The following INPP5A variants were observed in gnomAD, a reference collection of about 807,000 sequenced individuals.
INPP5A encodes 43 kDa inositol polyphosphate 5-phophatase.
Under a neutral mutation model 65.2 loss-of-function variants are expected in INPP5A, and 14 were observed. The observed-to-expected ratio is 0.21, with a 90% CI of 0.14 to 0.34. INPP5A has a LOEUF of 0.34. Among genes scored for constraint, INPP5A ranks in the 10% least tolerant of loss-of-function variants. The pLI is 1.00. For missense variants in INPP5A, 431 were observed against 545.6 expected (o/e 0.79, Z 2.09); for synonymous variants, 207 against 208.3 (o/e 0.99, Z 0.05).
In INPP5A at chr10:132,704,919, G is replaced by A. The variant is rs1845509863; in HGVS notation, c.475-3394G>A. On this transcript the variant is annotated intron_variant, in intron 6 of 15. Transcript: ENST00000368594. This position sits in a 1 kb window ranked among gnomAD's most constrained non-coding sequence, Gnocchi z 4.5. ...AGGATGGAGGAAGGGCGTCTGGACA[G>A]GCGGCAGGCAGCTCCTCTGGAGTGT... Among the ~76,000 whole-genome samples, 1 of 146,828 alleles carries A rather than the reference G, an allele frequency of 6.8e-6. No individual in the cohort carries two copies. The highest frequency in any genetic ancestry group is 2.5e-5 in the African/African-American group (1 of 40,122).
rs1041599061 is a variant in INPP5A, at chr10:132,616,386, G to A, written c.117+8430G>A. Among the ~76,000 whole-genome samples, 1 of 151,946 alleles carries A rather than the reference G, an allele frequency of 6.6e-6. No homozygotes were observed. The highest frequency in any genetic ancestry group is 6.5e-5 in the Admixed American group (1 of 15,274). ...CGTGCGGGGACGCCGTGGGCGTGGT[G>A]TGAGGTATGTGGCGTGCGGGGACGC... On this transcript the variant is annotated intron_variant, in intron 2 of 15. Coordinates refer to ENST00000368594, the MANE Select transcript of INPP5A (RefSeq NM_005539.5). This position sits in a 1 kb window ranked among gnomAD's most constrained non-coding sequence, Gnocchi z 4.9.
At chr10:132,723,830 G>A (rs573812995) in intron 8 of INPP5A, among the ~76,000 whole-genome samples, 32 of 151,912 alleles carry the variant, frequency 2.1e-4, no homozygotes, top group Non-Finnish European at 2.1e-4. Flanking sequence ...CTGGGGTCTC[G>A]GAGCACAGGG....
chr10:132,724,992 C>T (rs1317544241), intron 8 of INPP5A, among the ~76,000 whole-genome samples: 12 of 146,068 alleles, frequency 8.2e-5, no homozygotes, highest in Middle Eastern at 4.0e-3. Flanking sequence ...TCACCACAGA[C>T]GGGGGTCACT....
Position 132,663,719 on chromosome 10 carries a change from A to C in INPP5A, c.306+13214A>C, listed in dbSNP as rs1448592602. Reference sequence around the variant, plus strand: ...GCAGCCGTCTGCATGACTTTGGGTCATTGCGCTTTCCTTGCCTTTTGGGGA... The same window carrying C: ...GCAGCCGTCTGCATGACTTTGGGTCCTTGCGCTTTCCTTGCCTTTTGGGGA... On this transcript the variant is annotated intron_variant, in intron 4 of 15. Coordinates refer to ENST00000368594, the MANE Select transcript of INPP5A (RefSeq NM_005539.5). This position sits in a 1 kb window ranked among gnomAD's most constrained non-coding sequence, Gnocchi z 4.5. 2.6e-5 allele frequency among the ~76,000 whole-genome samples: 4 copies of C among 152,162 alleles called. No homozygotes were observed. The highest frequency in any genetic ancestry group is 2.9e-5 in the Non-Finnish European group (2 of 68,036).
At chr10:132,595,766 C>T (rs2071678201) in intron 1 of INPP5A, among the ~76,000 whole-genome samples, 1 of 152,168 alleles carries the variant, frequency 6.6e-6, no homozygotes, top group African/African-American at 2.4e-5. Flanking sequence ...CTGCAGTATT[C>T]TAATTGTAAT....
At chr10:132,568,189 C>CA (rs56217302) in intron 1 of INPP5A, among the ~76,000 whole-genome samples, 2,025 of 59,558 alleles carry the variant, frequency 0.034, 28 homozygotes, top group African/African-American at 0.053. Context: ...GACTCCGTCT[C>CA]AAAAAAAAAA....
At chr10:132,701,320 G>A (rs980719960) in intron 6 of INPP5A, among the ~76,000 whole-genome samples, 53 of 152,360 alleles carry the variant, frequency 3.5e-4, no homozygotes, top group African/African-American at 1.2e-3. Flanking sequence ...AGCCAACACA[G>A]GCCAGGGGGC....
intron 1 of INPP5A, among the ~76,000 whole-genome samples, chr10:132,577,457 C>T (rs2071424352): frequency 6.6e-6 from 1 of 152,212 alleles, no homozygotes; most frequent in Non-Finnish European, 1.5e-5. Context: ...CTGCGCATGC[C>T]CGGCCCCGGG....
Position 132,595,743 on chromosome 10 carries a change from C to G in INPP5A, c.76-12172C>G, listed in dbSNP as rs147084687. Among the ~76,000 whole-genome samples the G allele has an allele frequency of 1.9e-3, 291 of 152,260 alleles. 1 individual carries two copies. Among genetic ancestry groups the G allele is most frequent in the African/African-American group, 6.4e-3 (265 of 41,546 alleles). ...GTAACTTTCTTTATTGAGGTGCCTT[C>G]TGTAATATTTTTCTGCAGTATTCTA... On this transcript the variant is annotated intron_variant, in intron 1 of 15. Coordinates refer to ENST00000368594, the MANE Select transcript of INPP5A (RefSeq NM_005539.5).
At chr10:132,715,145 C>T (rs887551758) in intron 8 of INPP5A, among the ~76,000 whole-genome samples, 11 of 152,360 alleles carry the variant, frequency 7.2e-5, no homozygotes, top group East Asian at 1.9e-4. Context: ...CAGAGGTGCA[C>T]GTCAGCCTTC....
intron 8 of INPP5A, among the ~76,000 whole-genome samples, chr10:132,718,227 C>T (rs1845780909): frequency 6.9e-6 from 1 of 143,992 alleles, no homozygotes; most frequent in African/African-American, 2.6e-5. Flanking sequence ...TACCTGGGTT[C>T]TGTCTGGGCA....
intron 2 of INPP5A, among the ~76,000 whole-genome samples, chr10:132,636,814 C>T (rs952090581): frequency 6.6e-6 from 1 of 152,224 alleles, no homozygotes; most frequent in Non-Finnish European, 1.5e-5. Flanking sequence ...GTTCAGGCCT[C>T]ATTTCACTGA....
At position 132,545,072 on chromosome 10, in the gene INPP5A, C is replaced by T. The variant is rs191739440; in HGVS notation, c.75+6901C>T. On this transcript the variant is annotated intron_variant, in intron 1 of 15. Transcript: ENST00000368594. The surrounding 1 kb of genome is among the most constrained non-coding windows in gnomAD (Gnocchi z 4.6). ...TCCGTCCCTGTTGCCTGCGCTGCTC[C>T]GAGAAGCCCCACTCTGACCAGCACC... Among the ~76,000 whole-genome samples the T allele has an allele frequency of 4.9e-3, 745 of 152,176 alleles. 9 individuals are homozygous for T. The highest frequency in any genetic ancestry group is 0.017 in the African/African-American group (712 of 41,502).
At chr10:132,591,557 T>G (rs1275259485) in intron 1 of INPP5A, among the ~76,000 whole-genome samples, 4 of 152,154 alleles carry the variant, frequency 2.6e-5, no homozygotes, top group African/African-American at 9.7e-5. Flanking sequence ...ATGCAAAAGG[T>G]CGTTTGTGAG....
intron 4 of INPP5A, among the ~76,000 whole-genome samples, chr10:132,654,719 G>C (rs1032569259): frequency 2.0e-4 from 30 of 152,238 alleles, no homozygotes; most frequent in Non-Finnish European, 3.1e-4. Context: ...ATTGAAAAAG[G>C]AAATTGAAAT....
chr10:132,559,505 C>T (rs1743049465), intron 1 of INPP5A, among the ~76,000 whole-genome samples: 1 of 152,172 alleles, frequency 6.6e-6, no homozygotes, highest in South Asian at 2.1e-4. Flanking sequence ...ACCCTCCTTT[C>T]CCCCCTTCCG....
intron 1 of INPP5A, among the ~76,000 whole-genome samples, chr10:132,593,307 G>A (rs1002614955): frequency 6.6e-6 from 1 of 152,004 alleles, no homozygotes; most frequent in African/African-American, 2.4e-5. Flanking sequence ...TGAATGCCGG[G>A]GCGTGGGGAG....
Position 132,644,609 on chromosome 10 carries a change from C to T in INPP5A, c.118-1259C>T, listed in dbSNP as rs1590890074. Among the ~76,000 whole-genome samples the T allele has an allele frequency of 6.6e-6, 1 of 152,360 alleles. No homozygotes were observed. The highest frequency in any genetic ancestry group is 2.4e-5 in the African/African-American group (1 of 41,588). ...AGCACCTCCAGGCTCCCAAGCCCAG[C>T]ACAGACAGCACCGGCCCCTTCTCTC... is the stretch of plus-strand genomic sequence containing the variant. On this transcript the variant is annotated intron_variant, in intron 2 of 15. Transcript: ENST00000368594. This position sits in a 1 kb window ranked among gnomAD's most constrained non-coding sequence, Gnocchi z 6.5.
intron 4 of INPP5A, among the ~76,000 whole-genome samples, chr10:132,687,020 C>T (rs1845146740): frequency 6.6e-6 from 1 of 152,242 alleles, no homozygotes; most frequent in Non-Finnish European, 1.5e-5. Context: ...TCTCAGCTCA[C>T]TGCAACCTCT....
Sources: gnomAD v4.1 joint callset for allele counts (sites outside exome capture counted in the v4.1 genomes callset) on GRCh38, gnomAD v4.1.1 for gene constraint, Gnocchi (gnomAD v3.1) non-coding constraint, MANE v1.5 for transcripts, NCBI Gene and HGNC (gene_info 2026-07-23, HGNC 2026-07-21) for gene names.